The following SUGCT variants were observed in gnomAD, a reference collection of about 807,000 sequenced individuals.
SUGCT encodes succinyl-CoA:glutarate-CoA transferase.
In SUGCT, 41 loss-of-function variants were observed where a neutral mutation model predicts 55.0. The observed-to-expected ratio is 0.74, with a 90% CI of 0.58 to 0.97. SUGCT has a LOEUF of 0.97. Among genes scored for constraint, SUGCT ranks in the 50% least tolerant of loss-of-function variants. The pLI, the probability that SUGCT is intolerant of heterozygous loss-of-function variation, is 0.00. For missense variants in SUGCT, 568 were observed against 547.8 expected (o/e 1.04, Z -0.37); for synonymous variants, 187 against 200.4 (o/e 0.93, Z 0.56).
At chr7:40,270,577 C>T (rs1171240433) in intron 7 of SUGCT, among the ~76,000 whole-genome samples, 3 of 152,136 alleles carry the variant, frequency 2.0e-5, no homozygotes, top group Non-Finnish European at 4.4e-5. Flanking sequence ...GTCTGCCTTC[C>T]ACCAGTACCA....
intron 9 of SUGCT, among the ~76,000 whole-genome samples, chr7:40,428,252 C>T (rs887076196): frequency 5.9e-5 from 9 of 152,146 alleles, no homozygotes; most frequent in African/African-American, 2.2e-4. Context: ...CACTTCCAGC[C>T]TATGTGTGTC....
chr7:40,468,735 GT>G (rs1790257032), intron 11 of SUGCT, among the ~76,000 whole-genome samples: 1 of 151,966 alleles, frequency 6.6e-6, no homozygotes, highest in Non-Finnish European at 1.5e-5. Context: ...GGGAGTGGGG[GT>G]GGGTTAAAAG....
intron 1 of SUGCT, among the ~76,000 whole-genome samples, chr7:40,171,859 G>A (rs1428438556): frequency 1.3e-5 from 2 of 152,214 alleles, no homozygotes; most frequent in African/African-American, 4.8e-5. Flanking sequence ...GAGTGTTATA[G>A]AGTCACGGAG....
chr7:40,769,177 G>A (rs536912779), intron 13 of SUGCT, among the ~76,000 whole-genome samples: 12 of 152,296 alleles, frequency 7.9e-5, no homozygotes, highest in Non-Finnish European at 1.8e-4. Context: ...TAAAAGAAGA[G>A]AGTGGATGAG....
At chr7:40,279,607 G>A (rs1792815896) in intron 8 of SUGCT, among the ~76,000 whole-genome samples, 1 of 152,016 alleles carries the variant, frequency 6.6e-6, no homozygotes, top group Non-Finnish European at 1.5e-5. Flanking sequence ...AAATACTTCA[G>A]TGTTAGTAAT....
intron 9 of SUGCT, among the ~76,000 whole-genome samples, chr7:40,339,376 A>G (rs1350585883): frequency 6.6e-6 from 1 of 152,114 alleles, no homozygotes; most frequent in African/African-American, 2.4e-5. Context: ...GGCCTCCTTG[A>G]GCTGCGGTGG....
chr7:41,002,412 G>A, the SUGCT span, among the ~76,000 whole-genome samples: 10 of 152,166 alleles, frequency 6.6e-5, no homozygotes, highest in Admixed American at 5.2e-4. Context: ...AAAGCTCCTG[G>A]CTGATTGCTT....
rs373777244 is a variant in SUGCT, at chr7:40,304,140, T to C, written c.721-12620T>C. Among the ~76,000 whole-genome samples, 36 of 148,036 alleles carry C rather than the reference T, an allele frequency of 2.4e-4. No homozygotes were observed. In the East Asian group the frequency reaches 6.7e-3, roughly 28 times the overall value. Reference sequence around the variant, plus strand: ...AATGGTAATCAGAACTAGAGGAAAATGTGACAAATAGAGAATTGGAGAGGG... The same window carrying C: ...AATGGTAATCAGAACTAGAGGAAAACGTGACAAATAGAGAATTGGAGAGGG... On this transcript the variant is annotated intron_variant, in intron 8 of 13. Coordinates refer to ENST00000335693, the MANE Select transcript of SUGCT (RefSeq NM_001193313.2).
chr7:40,762,028 G>C (rs77229410), intron 13 of SUGCT, among the ~76,000 whole-genome samples: 1 of 152,104 alleles, frequency 6.6e-6, no homozygotes, highest in Non-Finnish European at 1.5e-5. Flanking sequence ...AGTGGGGGGC[G>C]GTGATTTCAC....
chr7:40,552,964 C>G (rs545846088), intron 12 of SUGCT, among the ~76,000 whole-genome samples: 1 of 152,152 alleles, frequency 6.6e-6, no homozygotes, highest in African/African-American at 2.4e-5. Flanking sequence ...GTTTGAGATG[C>G]TTCTGGCCAT....
At chr7:40,721,445 G>C (rs1203725141) in intron 12 of SUGCT, among the ~76,000 whole-genome samples, 2 of 152,176 alleles carry the variant, frequency 1.3e-5, no homozygotes, top group African/African-American at 4.8e-5. Flanking sequence ...AATGCTCTCA[G>C]AGGATCTCAC....
chr7:40,259,307 C>T (rs1791059417), intron 7 of SUGCT, among the ~76,000 whole-genome samples: 1 of 152,116 alleles, frequency 6.6e-6, no homozygotes, highest in Non-Finnish European at 1.5e-5. Context: ...TGTGCGGGCC[C>T]ACTTACATGT....
intron 6 of SUGCT, among the ~76,000 whole-genome samples, chr7:40,223,710 C>T (rs769432322): frequency 1.3e-5 from 2 of 152,276 alleles, no homozygotes; most frequent in Non-Finnish European, 2.9e-5. Flanking sequence ...TCAAAGGTTA[C>T]TGGATTTTAT....
chr7:40,420,802 G>GACAC (rs147287632), intron 9 of SUGCT, among the ~76,000 whole-genome samples: 3 of 151,232 alleles, frequency 2.0e-5, no homozygotes, highest in Non-Finnish European at 4.4e-5. Flanking sequence ...TACACACACA[G>GACAC]ACACACACAC....
At chr7:40,514,753 G>A (rs2151560330) in intron 12 of SUGCT, among the ~76,000 whole-genome samples, 1 of 135,376 alleles carries the variant, frequency 7.4e-6, no homozygotes. Context: ...CTATGTATTT[G>A]CGATGAGAGA....
chr7:40,171,886 A>C (rs1784687923), intron 1 of SUGCT, among the ~76,000 whole-genome samples: 1 of 152,206 alleles, frequency 6.6e-6, no homozygotes, highest in African/African-American at 2.4e-5. Context: ...TTCAATTATC[A>C]ATTGTAGGTT....
At chr7:40,849,112 G>A (rs1424418654) in intron 13 of SUGCT, among the ~76,000 whole-genome samples, 2 of 152,028 alleles carry the variant, frequency 1.3e-5, no homozygotes, top group East Asian at 1.9e-4. Flanking sequence ...TCTTAGCAAT[G>A]AGCCAAAGAA....
intron 13 of SUGCT, among the ~76,000 whole-genome samples, chr7:40,782,974 G>A (rs1316956637): frequency 1.3e-5 from 2 of 152,134 alleles, no homozygotes; most frequent in Non-Finnish European, 2.9e-5. Context: ...AGGAATCAGT[G>A]AGAGAAAAAC....
At chr7:40,564,537 G>C (rs1280757960) in intron 12 of SUGCT, among the ~76,000 whole-genome samples, 1 of 152,212 alleles carries the variant, frequency 6.6e-6, no homozygotes, top group Non-Finnish European at 1.5e-5. Flanking sequence ...CTCTTTATAA[G>C]AGTTAATTTC....
Sources: allele counts gnomAD v4.1 joint callset (sites outside exome capture counted in the v4.1 genomes callset), GRCh38; gene constraint gnomAD v4.1.1; transcripts MANE v1.5; gene names NCBI Gene and HGNC (gene_info 2026-07-23, HGNC 2026-07-21).